The following MBOAT1 variants were observed in gnomAD, a reference collection of about 807,000 sequenced individuals.
MBOAT1 encodes membrane bound glycerophospholipid O-acyltransferase 1.
MBOAT1 carries 67 observed loss-of-function variants against 64.4 expected under a neutral mutation model. The observed-to-expected ratio is 1.04, with a 90% CI of 0.85 to 1.27. The LOEUF is 1.27. MBOAT1 is among the 50% of genes most tolerant of loss of function. The pLI is 0.00. For synonymous variants in MBOAT1, 229 were observed against 218.9 expected (o/e 1.05, Z -0.41); for missense variants, 563 against 604.6 (o/e 0.93, Z 0.72).
intron 1 of MBOAT1, among the ~76,000 whole-genome samples, chr6:20,155,797 G>A (rs1761659106): frequency 6.6e-6 from 1 of 152,078 alleles, no homozygotes. Context: ...TACCAATCAG[G>A]AACCACCAAA....
rs547106422 is a variant in MBOAT1, at chr6:20,161,535, A to G, written c.100-8766T>C. On this transcript the variant is annotated intron_variant, in intron 1 of 12. Transcript: ENST00000324607. The stretch of plus-strand genomic sequence containing the variant: ...CTCATTGATATTGTGTCTCATCATA[A>G]CAATAAATGCCGTTTATCCAGTGCC... 7.2e-4 allele frequency among the ~76,000 whole-genome samples: 110 copies of G among 152,218 alleles called. 1 individual carries two copies. Among genetic ancestry groups the G allele is most frequent in the African/African-American group, 2.5e-3 (103 of 41,524 alleles).
At chr6:20,168,508 GAGAGGAGAGGAGAGGAGAGA>G (rs1227588390) in intron 1 of MBOAT1, among the ~76,000 whole-genome samples, 12 of 135,550 alleles carry the variant, frequency 8.9e-5, no homozygotes, top group Admixed American at 6.7e-4. Context: ...AGAGAGAGAG[GAGAGGAGAGGAGAGGAGAGA>G]AGAGGAGAGG....
intron 1 of MBOAT1, among the ~76,000 whole-genome samples, chr6:20,175,637 T>C (rs1209368562): frequency 1.3e-5 from 2 of 151,574 alleles, no homozygotes; most frequent in East Asian, 3.9e-4. Flanking sequence ...TTTCTTTTTT[T>C]TTTTTTTGTA....
At position 20,112,896 on chromosome 6, in the gene MBOAT1, C is replaced by G. The variant is rs1375154745; in HGVS notation, c.1189G>C (p.Val397Leu). ...CTTACCGCTCTAGCTGCTAATGTGA[C>G]AAGAATTCCAGTTAAGAAGGTAAAA... Reference protein sequence around the residue: ...YYFTFLTGILVTLAARAVRNN... With the variant: ...YYFTFLTGILLTLAARAVRNN... The change falls in exon 11 of 13, where the codon GTC (valine) becomes CTC (leucine). Residue 397 changes from valine to leucine, a missense_variant. Coordinates refer to ENST00000324607, the MANE Select transcript of MBOAT1 (RefSeq NM_001080480.3). The G allele has an allele frequency of 6.2e-7, 1 of 1,613,854 alleles. No individual in the cohort carries two copies. Among genetic ancestry groups the G allele is most frequent in the South Asian group, 1.1e-5 (1 of 91,060 alleles).
intron 1 of MBOAT1, among the ~76,000 whole-genome samples, chr6:20,193,625 A>T (rs1413223284): frequency 5.1e-5 from 6 of 117,828 alleles, no homozygotes; most frequent in Non-Finnish European, 5.0e-5. Context: ...TTTTTTTTTT[A>T]AAGATGGAGT....
intron 1 of MBOAT1, among the ~76,000 whole-genome samples, chr6:20,181,428 C>T (rs1208994465): frequency 6.6e-6 from 1 of 152,210 alleles, no homozygotes. Flanking sequence ...TTTCCACCCC[C>T]ACTTGATTCT....
At chr6:20,171,522 C>T (rs960322067) in intron 1 of MBOAT1, among the ~76,000 whole-genome samples, 1 of 151,504 alleles carries the variant, frequency 6.6e-6, no homozygotes, top group Non-Finnish European at 1.5e-5. Context: ...CACTGCACTC[C>T]AGCCTGCCAA....
intron 1 of MBOAT1, among the ~76,000 whole-genome samples, chr6:20,155,053 T>C (rs939465181): frequency 6.6e-6 from 1 of 152,224 alleles, no homozygotes; most frequent in African/African-American, 2.4e-5. Context: ...CTCAGGAAAG[T>C]GGCTACAGGG....
chr6:20,112,798 T>A, intron 11 of MBOAT1, 78 bp downstream of exon 11: 46 of 1,427,942 alleles, frequency 3.2e-5, no homozygotes, highest in Non-Finnish European at 4.3e-5. Context: ...CCCCAACCCC[T>A]ACTAGGACCC....
intron 3 of MBOAT1, among the ~76,000 whole-genome samples, chr6:20,148,769 A>G (rs557462374): frequency 8.5e-5 from 13 of 152,256 alleles, no homozygotes; most frequent in Middle Eastern, 3.4e-3. Context: ...CTGTGAAACA[A>G]TTTCCACTTC....
At chr6:20,167,507 T>C (rs990800471) in intron 1 of MBOAT1, among the ~76,000 whole-genome samples, 8 of 152,254 alleles carry the variant, frequency 5.3e-5, no homozygotes, top group Non-Finnish European at 1.2e-4. Context: ...GCTGGTTGAA[T>C]GCCTTTTCAT....
At chr6:20,202,527 G>A (rs1014077292) in intron 1 of MBOAT1, among the ~76,000 whole-genome samples, 3 of 151,168 alleles carry the variant, frequency 2.0e-5, no homozygotes, top group Admixed American at 6.6e-5. Context: ...CATAAAAGAA[G>A]ATTAACCACT....
chr6:20,113,421 G>A (rs780098810), intron 10 of MBOAT1, among the ~76,000 whole-genome samples: 4 of 152,148 alleles, frequency 2.6e-5, no homozygotes, highest in Non-Finnish European at 5.9e-5. Flanking sequence ...CGGAATCAGG[G>A]TCTTTAGAAA....
chr6:20,166,277 CACAGTATGGCAGGT>C (rs1419969319), intron 1 of MBOAT1, among the ~76,000 whole-genome samples: 1 of 152,168 alleles, frequency 6.6e-6, no homozygotes, highest in Non-Finnish European at 1.5e-5. Flanking sequence ...TAATATTCCA[CACAGTATGGCAGGT>C]GTGGTGAACT....
intron 1 of MBOAT1, among the ~76,000 whole-genome samples, chr6:20,179,233 A>G (rs1762439716): frequency 6.6e-6 from 1 of 152,096 alleles, no homozygotes; most frequent in Non-Finnish European, 1.5e-5. Context: ...CCTCAGCTGT[A>G]GGGCAGCTCC....
intron 5 of MBOAT1, among the ~76,000 whole-genome samples, chr6:20,129,931 C>T (rs979533704): frequency 6.6e-6 from 1 of 152,086 alleles, no homozygotes; most frequent in African/African-American, 2.4e-5. Flanking sequence ...AGTTGTTTAC[C>T]CTAGAAAGAC....
intron 1 of MBOAT1, among the ~76,000 whole-genome samples, chr6:20,193,161 G>A (rs1044139983): frequency 2.6e-5 from 4 of 151,298 alleles, no homozygotes; most frequent in Non-Finnish European, 4.4e-5. Context: ...GCCCGCCACC[G>A]CGCCCGGCTA....
intron 8 of MBOAT1, among the ~76,000 whole-genome samples, chr6:20,119,998 T>TGCGTGTGC (rs1245471358): frequency 1.8e-5 from 1 of 54,324 alleles, no homozygotes; most frequent in Admixed American, 2.3e-4. Context: ...TCTGTGTGTG[T>TGCGTGTGC]GTGTGTGCGT....
intron 1 of MBOAT1, among the ~76,000 whole-genome samples, chr6:20,177,792 C>A (rs1761276): frequency 0.021 from 1,173 of 56,972 alleles, 43 homozygotes; most frequent in Middle Eastern, 0.03. Flanking sequence ...AAAAAAAAAA[C>A]AAAAAACTTG....
Sources: gnomAD v4.1 joint callset for allele counts (sites outside exome capture counted in the v4.1 genomes callset) on GRCh38, gnomAD v4.1.1 for gene constraint, MANE v1.5 for transcripts, NCBI Gene and HGNC (gene_info 2026-07-23, HGNC 2026-07-21) for gene names.